IRF3: variants seen among roughly 807,000 people sequenced by gnomAD.
IRF3 encodes interferon regulatory factor 3.
IRF3 carries 29 observed loss-of-function variants against 43.2 expected under a neutral mutation model. The observed-to-expected ratio is 0.67, with a 90% CI of 0.50 to 0.91. The LOEUF (loss-of-function observed/expected upper bound fraction) is 0.91, where lower values mean the gene tolerates loss of function less well. IRF3 is among the 40% of genes least tolerant of loss of function. The pLI, the probability that IRF3 is intolerant of heterozygous loss-of-function variation, is 0.00. For synonymous variants in IRF3, 228 were observed against 233.9 expected, an observed-to-expected ratio of 0.97 and a Z score of 0.23; for missense variants, 505 against 559.1, an observed-to-expected ratio of 0.90 and a Z score of 0.98.
intron 6 of IRF3, chr19:49,661,331 G>A (rs764775823): frequency 6.8e-5 from 11 of 162,254 alleles, no homozygotes; most frequent in South Asian, 3.3e-4. Context: ...ACTGCACAGC[G>A]AAACCCTAAG....
At chr19:49,664,495 CCCA>C in intron 2 of IRF3, 176 bp downstream of exon 2, 2 of 1,559,262 alleles carry the variant, frequency 1.3e-6, no homozygotes, top group South Asian at 2.3e-5. Context: ...CTGCTTGCGC[CCCA>C]CCATCAGTCA....
intron 1 of IRF3, 71 bp downstream of exon 1, chr19:49,665,560 G>A (rs1246851604): frequency 1.3e-5 from 6 of 479,974 alleles, no homozygotes; most frequent in Admixed American, 3.4e-5. Flanking sequence ...CACTCTCCGT[G>A]CAGACCCATC....
At chr19:49,663,922 C>G (rs1054749551) in intron 2 of IRF3, 24 of 236,820 alleles carry the variant, frequency 1.0e-4, no homozygotes, top group Non-Finnish European at 1.7e-4. Flanking sequence ...TCTTGAACTC[C>G]TGACCTCAGG....
intron 1 of IRF3, 199 bp from the exon 2 acceptor site, chr19:49,665,045 C>T (rs1464756806): frequency 1.7e-6 from 1 of 596,076 alleles, no homozygotes; most frequent in African/African-American, 1.9e-5. Context: ...GGTTCCTTCC[C>T]ATATCCATGG....
At chr19:49,664,534 C>T in intron 2 of IRF3, 140 bp downstream of exon 2, 1 of 1,594,082 alleles carries the variant, frequency 6.3e-7, no homozygotes, top group Non-Finnish European at 8.5e-7. Context: ...CCCGCCCCTC[C>T]CGTTCTAGCC....
Position 49,663,388 on chromosome 19 carries a change from T to C in IRF3, c.292A>G (p.Lys98Glu). The C allele has an allele frequency of 6.2e-7, 1 of 1,614,218 alleles. No individual in the cohort carries two copies. Among genetic ancestry groups the C allele is most frequent in the Non-Finnish European group, 8.5e-7 (1 of 1,180,028 alleles). ...EGLRLAEDRSKDPHDPHKIYE... is the reference protein window; with the variant it reads ...EGLRLAEDRSEDPHDPHKIYE... Reference sequence around the variant, plus strand: ...ATTTTATGTGGGTCGTGAGGGTCCTTGCTCCGGTCCTCTGCTAAACGCAAC... The same window carrying C: ...ATTTTATGTGGGTCGTGAGGGTCCTCGCTCCGGTCCTCTGCTAAACGCAAC... The change falls in exon 3 of 8, where the codon AAG becomes GAG. Residue 98 changes from lysine to glutamate, a missense_variant. Physicochemically the swap from Lys to Glu is moderately conservative, Grantham distance 56. Transcript: ENST00000377139.
Position 49,663,347 on chromosome 19 carries a change from G to C in IRF3, c.333C>G (p.Asn111Lys), listed in dbSNP as rs1472189397. 1 of 1,614,206 alleles carries C rather than the reference G, an allele frequency of 6.2e-7. No homozygotes were observed. The stretch of plus-strand genomic sequence containing the variant: ...ACGAACCCCAAGCTGGCAGACCTGA[G>C]TTCACAAACTCGTAGATTTTATGTG... ...HDPHKIYEFV[N>K]SGVGDFSQPD... The change falls in exon 3 of 8, where the codon AAC becomes AAG. Residue 111 changes from asparagine (N) to lysine (K), a missense_variant. Asn to Lys is a moderately conservative substitution (Grantham distance 94, BLOSUM62 0). Transcript: ENST00000377139.
chr19:49,665,085 A>C (rs1599885115), intron 1 of IRF3: 14 of 482,020 alleles, frequency 2.9e-5, no homozygotes, highest in Admixed American at 3.8e-5. Context: ...TTCAGTGCAG[A>C]CCCTCCACTC....
chr19:49,664,850 C>T lies in IRF3; in HGVS notation c.-8-4G>A, dbSNP rs372424347. On this transcript the variant is annotated splice_polypyrimidine_tract_variant and splice_region_variant and intron_variant, in intron 1 of 7. Coordinates refer to ENST00000377139, the MANE Select transcript of IRF3 (RefSeq NM_001571.6). The stretch of plus-strand genomic sequence containing the variant: ...TTTGGGGTTCCCATGGTCCGGCCTG[C>T]GCGTATAGGGCATTTCCTGGGCGCG... 2 of 1,608,144 alleles carry T rather than the reference C, an allele frequency of 1.2e-6. No homozygotes were observed. The highest frequency in any genetic ancestry group is 2.2e-5 in the East Asian group (1 of 44,826).
chr19:49,659,654 C>T lies in IRF3; in HGVS notation c.1278G>A (p.Glu426=), dbSNP rs2081190293. ...CACCATGAGGAGCGAGGGCTCAGCT[C>T]TCCCCAGGGCCCTGGAAATCCATGC... is the stretch of plus-strand genomic sequence containing the variant. ...VEGMDFQGPG[E]S The change falls in exon 8 of 8, where the codon GAG becomes GAA. Residue 426 remains glutamate, a synonymous_variant. Transcript: ENST00000377139. 12 of 1,613,022 alleles carry T rather than the reference C, an allele frequency of 7.4e-6. No individual in the cohort carries two copies. Among genetic ancestry groups the T allele is most frequent in the Non-Finnish European group, 1.0e-5 (12 of 1,179,466 alleles).
At chr19:49,663,592 A>G in intron 2 of IRF3, 78 bp from the exon 3 acceptor site, 1 of 1,398,824 alleles carries the variant, frequency 7.1e-7, no homozygotes, top group Non-Finnish European at 9.9e-7. Flanking sequence ...CTGTCTCCCG[A>G]GTCCTAACAC....
intron 6 of IRF3, 51 bp from the exon 7 acceptor site, chr19:49,660,879 C>T (rs528437741): frequency 9.7e-5 from 150 of 1,548,474 alleles, no homozygotes; most frequent in Non-Finnish European, 1.2e-4. Flanking sequence ...CTCTACCCAC[C>T]CTTCCCCGTA....
chr19:49,662,452 G>T lies in IRF3; in HGVS notation c.574C>A (p.Leu192Met), dbSNP rs754446634. 2 of 1,598,236 alleles carry T rather than the reference G, an allele frequency of 1.3e-6. No homozygotes were observed. The highest frequency in any genetic ancestry group is 1.7e-6 in the Non-Finnish European group (2 of 1,172,950). Reference protein sequence around the residue: ...FPNLGPSENPLKRLLVPGEEW... With the variant: ...FPNLGPSENPMKRLLVPGEEW... Reference sequence around the variant, plus strand: ...TCCCCCGGCACCAACAGCCGCTTCAGTGGGTTCTCAGAGGGCCCCAGGTTT... The same window carrying T: ...TCCCCCGGCACCAACAGCCGCTTCATTGGGTTCTCAGAGGGCCCCAGGTTT... The change falls in exon 5 of 8, where the codon CTG (leucine) becomes ATG (methionine). Residue 192 changes from leucine to methionine, a missense_variant. Leu to Met is a conservative substitution (Grantham distance 15). Transcript: ENST00000377139.
chr19:49,664,977 A>G, intron 1 of IRF3, 131 bp from the exon 2 acceptor site: 1 of 941,848 alleles, frequency 1.1e-6, no homozygotes, highest in Non-Finnish European at 1.5e-6. Context: ...GGGGGTACAA[A>G]CAGGAAACCT....
In IRF3 at chr19:49,665,615, G is replaced by A. The variant is rs2081680471; in HGVS notation, c.-9+16C>T. On this transcript the variant is annotated intron_variant, in intron 1 of 7. Coordinates refer to ENST00000377139, the MANE Select transcript of IRF3 (RefSeq NM_001571.6). ...CTCGGACGCCACCAACGCTCTCCCG[G>A]GCTCTTCCGCGTTACCTACGATGGA... 7 of 609,390 alleles carry A rather than the reference G, an allele frequency of 1.1e-5. No homozygotes were observed. Among genetic ancestry groups the A allele is most frequent in the Admixed American group, 9.1e-5 (3 of 32,952 alleles). 37.7% of individuals were successfully genotyped at this position (609,390 alleles called of 1,614,324 possible).
Position 49,665,728 on chromosome 19 carries a change from G to A in IRF3, c.-106C>T. On this transcript the variant is annotated 5_prime_UTR_variant, in exon 1 of 8. In the 5' UTR this introduces an upstream ATG that the reference lacks. Transcript: ENST00000377139. ...CTCGAGGCTGCGCACCCCCTTTCCC[G>A]TCAGCTGAGCTCTAGAGCGCTGGGG... is the stretch of plus-strand genomic sequence containing the variant. The A allele has an allele frequency of 6.8e-7, 1 of 1,470,862 alleles. No individual in the cohort carries two copies. The highest frequency in any genetic ancestry group is 9.1e-7 in the Non-Finnish European group (1 of 1,100,620). The allele number at this position is 1,470,862 out of a possible 1,614,324, so 91.1% of individuals were successfully genotyped here.
chr19:49,665,580 G>T, intron 1 of IRF3, 51 bp downstream of exon 1: 2 of 513,296 alleles, frequency 3.9e-6, no homozygotes, highest in South Asian at 2.5e-5. Flanking sequence ...CCTCTTTCCC[G>T]CTCCTCGCTC....
At position 49,664,466 on chromosome 19, in the gene IRF3, T is replaced by TAACCCTGCAGCTCC. The variant is rs1160056971; in HGVS notation, c.165+194_165+207dup. 2.5e-5 allele frequency: 38 copies of TAACCCTGCAGCTCC among 1,529,330 alleles called. 1 individual carries two copies. The African/African-American group carries it at 2.7e-4, about 11-fold the overall frequency. 94.7% of individuals were successfully genotyped at this position (1,529,330 alleles called of 1,614,324 possible). On this transcript the variant is annotated intron_variant, in intron 2 of 7. Transcript: ENST00000377139. ...ACCGGCTTTCCCGGTTTTATTCCCG[T>TAACCCTGCAGCTCC]AACCCTGCAGCTCCAACCCTGCTTG...
chr19:49,661,910 C>T, intron 6 of IRF3, 38 bp downstream of exon 6: 7 of 1,568,238 alleles, frequency 4.5e-6, no homozygotes, highest in Non-Finnish European at 5.2e-6. Context: ...GTGCAGGCTG[C>T]TTTGTACTGG....
Sources: gnomAD v4.1 joint callset for allele counts on GRCh38, gnomAD v4.1.1 for gene constraint, MANE v1.5 for transcripts, NCBI Gene and HGNC (gene_info 2026-07-23, HGNC 2026-07-21) for gene names.